The following VWA5A variants were observed in gnomAD, a reference collection of about 807,000 sequenced individuals.
VWA5A encodes the protein von Willebrand factor A domain containing 5A, also known as von Willebrand factor A domain-containing protein 5A.
In VWA5A, 77 loss-of-function variants were observed where a neutral mutation model predicts 84.6. The observed-to-expected ratio is 0.91, with a 90% CI of 0.76 to 1.10. The LOEUF is 1.10. VWA5A is among the 50% of genes least tolerant of loss of function. The pLI, the probability that VWA5A is intolerant of heterozygous loss-of-function variation, is 0.00. For missense variants in VWA5A, 973 were observed against 963.0 expected, an observed-to-expected ratio of 1.01 and a Z score of -0.14; for synonymous variants, 334 against 350.1, an observed-to-expected ratio of 0.95 and a Z score of 0.51.
chr11:124,138,472 A>G (rs1860658669), intron 15 of VWA5A, among the ~76,000 whole-genome samples: 1 of 152,128 alleles, frequency 6.6e-6, no homozygotes. Context: ...CTTTTTGATG[A>G]TAGCCATTCT....
Position 124,124,277 on chromosome 11 carries a change from G to A in VWA5A, c.1205G>A (p.Ser402Asn). Residue 402 changes from serine to asparagine, a missense_variant, in exon 11 of 19, where the codon AGT (serine) becomes AAT (asparagine). Ser to Asn is a conservative substitution (Grantham distance 46, BLOSUM62 1). Coordinates refer to ENST00000456829, the MANE Select transcript of VWA5A (RefSeq NM_001130142.2). ...GATGGAGAAGTTACAGACACGTTTA[G>A]TGTAATTAAAGAAGTTAGGATCAAC... ...FTDGEVTDTF[S>N]VIKEVRINRQ... The A allele has an allele frequency of 3.1e-6, 5 of 1,614,022 alleles. No individual in the cohort carries two copies. Among genetic ancestry groups the A allele is most frequent in the Non-Finnish European group, 4.2e-6 (5 of 1,179,982 alleles).
intron 18 of VWA5A, 112 bp from the exon 19 acceptor site, chr11:124,145,754 C>A: frequency 1.8e-6 from 2 of 1,085,224 alleles, no homozygotes; most frequent in Non-Finnish European, 1.3e-6. Flanking sequence ...AAAGAAAAAG[C>A]AGGGATATTG....
Position 124,123,704 on chromosome 11 carries a change from G to A in VWA5A, c.1064G>A (p.Gly355Glu), listed in dbSNP as rs771900104. 6.2e-7 allele frequency: 1 copy of A among 1,613,840 alleles called. No individual in the cohort carries two copies. Among genetic ancestry groups the A allele is most frequent in the Non-Finnish European group, 8.5e-7 (1 of 1,180,004 alleles). Residue 355 changes from glycine (G) to glutamate (E), a missense_variant, in exon 10 of 19, where the codon GGG becomes GAG. Coordinates refer to ENST00000456829, the MANE Select transcript of VWA5A (RefSeq NM_001130142.2). Reference protein sequence around the residue: ...YTQQTMEEALGRVKLMQADLG... With the variant: ...YTQQTMEEALERVKLMQADLG... ...CAGCAAACAATGGAGGAGGCTCTGG[G>A]GAGAGTGAAGCTTATGCAGGCCGAC...
chr11:124,136,896 C>T, intron 14 of VWA5A, 119 bp from the exon 15 acceptor site: 1 of 1,386,898 alleles, frequency 7.2e-7, no homozygotes, highest in African/African-American at 1.5e-5. Flanking sequence ...CCCAAGTCTT[C>T]TCTCTCCCCT....
Position 124,136,588 on chromosome 11 carries a change from A to G in VWA5A, c.1539A>G (p.Thr513=). ...CTAATTTGCAGGCAGCAGAGACAAC[A>G]GGAGAAGTATGCCTCAAATATACAC... ...LTGRMPAAET[T]GEVCLKYTLQ... is the part of the protein sequence containing the mutation. The change falls in exon 14 of 19, where the codon ACA becomes ACG. Residue 513 remains threonine (T), a synonymous_variant. Transcript: ENST00000456829. 4 of 1,614,144 alleles carry G rather than the reference A, an allele frequency of 2.5e-6. No individual in the cohort carries two copies. Among genetic ancestry groups the G allele is most frequent in the Non-Finnish European group, 3.4e-6 (4 of 1,179,994 alleles).
Position 124,142,671 on chromosome 11 carries a change from G to A in VWA5A, c.2154+99G>A, listed in dbSNP as rs116604889. ...GACCTACCTGAGGAAGGAAAATATA[G>A]GGGGTCATAGACTAAATTAATTTGT... On this transcript the variant is annotated intron_variant, in intron 17 of 18. Transcript: ENST00000456829. The A allele has an allele frequency of 6.5e-4, 959 of 1,474,730 alleles. 3 individuals are homozygous for A. In the African/African-American group the frequency reaches 0.011, roughly 17 times the overall value. The allele number at this position is 1,474,730 out of a possible 1,614,324, so 91.4% of individuals were successfully genotyped here. A position where few individuals can be genotyped will look rare whatever the true frequency, so the allele number is the denominator to read the frequency against.
intron 11 of VWA5A, chr11:124,124,787 A>C: frequency 6.5e-6 from 1 of 153,896 alleles, no homozygotes; most frequent in Non-Finnish European, 1.4e-5. Flanking sequence ...TTACAATACC[A>C]TGGGTTATTT....
intron 11 of VWA5A, among the ~76,000 whole-genome samples, chr11:124,132,072 T>C (rs1162118693): frequency 6.6e-6 from 1 of 152,052 alleles, no homozygotes; most frequent in Non-Finnish European, 1.5e-5. Context: ...TTAAATTTCA[T>C]CAAATGTATT....
chr11:124,141,786 C>T, intron 16 of VWA5A, 45 bp downstream of exon 16: 1 of 1,604,450 alleles, frequency 6.2e-7, no homozygotes, highest in Non-Finnish European at 8.5e-7. Flanking sequence ...GTTTTTCTGT[C>T]ACATATACAG....
At chr11:124,144,817 C>G (rs1334611978) in intron 17 of VWA5A, among the ~76,000 whole-genome samples, 1 of 152,040 alleles carries the variant, frequency 6.6e-6, no homozygotes, top group Admixed American at 6.6e-5. Context: ...GTTAATACTT[C>G]TATATGAAAT....
chr11:124,141,772 C>G (rs1163605538), intron 16 of VWA5A, 31 bp downstream of exon 16: 1 of 1,608,444 alleles, frequency 6.2e-7, no homozygotes, highest in African/African-American at 1.3e-5. Context: ...ATTTTCTCAA[C>G]AATGTTTTTC....
rs1447981186 is a variant in VWA5A at position 124,141,586 on chromosome 11, G to C, written c.1880-12G>C. On this transcript the variant is annotated splice_polypyrimidine_tract_variant and intron_variant, in intron 15 of 18. Coordinates refer to ENST00000456829, the MANE Select transcript of VWA5A (RefSeq NM_001130142.2). The stretch of plus-strand genomic sequence containing the variant: ...AGGGAGTGCCACTGTCTTAATGTTT[G>C]GATTTTTTCAGGTTTTCGAAAGGCC... 1 of 1,613,668 alleles carries C rather than the reference G, an allele frequency of 6.2e-7. No individual in the cohort carries two copies. The highest frequency in any genetic ancestry group is 8.5e-7 in the Non-Finnish European group (1 of 1,179,906).
Position 124,118,571 on chromosome 11 carries a change from A to G in VWA5A, c.508A>G (p.Ile170Val), listed in dbSNP as rs186032413. Residue 170 changes from isoleucine (I) to valine (V), a missense_variant, in exon 6 of 19, where the codon ATA becomes GTA. Transcript: ENST00000456829. ...CAGTTGCCTTAATGTGAAGACTCCTATAGTCCCTGTGGAGGACCTGCCCTA... is the reference window on the plus strand; with the variant it reads ...CAGTTGCCTTAATGTGAAGACTCCTGTAGTCCCTGTGGAGGACCTGCCCTA... ...KDSCLNVKTP[I>V]VPVEDLPYTL... 1.4e-5 allele frequency: 23 copies of G among 1,614,202 alleles called. No homozygotes were observed. The East Asian group carries it at 4.0e-4, about 28-fold the overall frequency.
At position 124,141,837 on chromosome 11, in the gene VWA5A, G is replaced by C. The variant is rs548972345; in HGVS notation, c.2023+96G>C. On this transcript the variant is annotated intron_variant, in intron 16 of 18. Transcript: ENST00000456829. ...AAGCTTGTAGTTACAGCTATGACAA[G>C]AGATGCATGTTTCTCGAAGGGACCC... 2.7e-6 allele frequency: 4 copies of C among 1,476,966 alleles called. No homozygotes were observed. The South Asian group carries it at 5.4e-5, about 20-fold the overall frequency. 91.5% of individuals were successfully genotyped at this position (1,476,966 alleles called of 1,614,324 possible). A position where few individuals can be genotyped will look rare whatever the true frequency, so the allele number is the denominator to read the frequency against.
At chr11:124,133,433 T>C (rs1364642649) in intron 11 of VWA5A, among the ~76,000 whole-genome samples, 1 of 152,254 alleles carries the variant, frequency 6.6e-6, no homozygotes, top group Non-Finnish European at 1.5e-5. Context: ...GATGCTGGGC[T>C]CAATTCTCTT....
At position 124,120,426 on chromosome 11, in the gene VWA5A, G is replaced by A. The variant is rs747292748; in HGVS notation, c.760+1337G>A. On this transcript the variant is annotated intron_variant, in intron 7 of 18. Transcript: ENST00000456829. ...GTGACAATCATATTCAAAGTGGGAC[G>A]GCTTGGCTTAGGCTCTTGTTTTTAC... Among the ~76,000 whole-genome samples the A allele has an allele frequency of 7.2e-5, 11 of 152,132 alleles. No individual in the cohort carries two copies. In the South Asian group the frequency reaches 8.3e-4, roughly 11 times the overall value.
In VWA5A at chr11:124,123,443, G is replaced by A. The variant is rs748626465; in HGVS notation, c.1008G>A (p.Glu336=). Residue 336 remains glutamate, a synonymous_variant, in exon 9 of 19, where the codon GAG becomes GAA. Coordinates refer to ENST00000456829, the MANE Select transcript of VWA5A (RefSeq NM_001130142.2). The part of the protein sequence containing the change: ...FNIYGFGSSY[E]ACFPESVKYT... ...TCTATGGATTTGGCTCTTCCTATGA[G>A]GCATGCTTTCCGTAAGTTTCTGGAA... 3.7e-6 allele frequency: 6 copies of A among 1,613,936 alleles called. No individual in the cohort carries two copies. Among genetic ancestry groups the A allele is most frequent in the Non-Finnish European group, 5.1e-6 (6 of 1,180,002 alleles).
At chr11:124,117,629 A>G (rs755653285) in intron 3 of VWA5A, 44 bp from the exon 4 acceptor site, 17 of 1,614,114 alleles carry the variant, frequency 1.1e-5, no homozygotes, top group Middle Eastern at 1.6e-4. Flanking sequence ...ACAAGGAGGC[A>G]ATCTATTGAA....
rs1860621246 is a variant in VWA5A at position 124,137,083 on chromosome 11, C to T, written c.1694C>T (p.Pro565Leu). 6.2e-7 allele frequency: 1 copy of T among 1,613,500 alleles called. No individual in the cohort carries two copies. Among genetic ancestry groups the T allele is most frequent in the Admixed American group, 1.7e-5 (1 of 59,928 alleles). The change falls in exon 15 of 19, where the codon CCA becomes CTA. Residue 565 changes from proline to leucine, a missense_variant. Physicochemically the swap from Pro to Leu is moderately conservative, Grantham distance 98. Transcript: ENST00000456829. ...AAGGACATGGGCCTCAGGGAGACTC[C>T]AGCAAGTGATAAAAAAGATGCATTG... ...QTKDMGLRETPASDKKDALNL... is the reference protein window; with the variant it reads ...QTKDMGLRETLASDKKDALNL...
Sources: gnomAD v4.1 joint callset for allele counts (sites outside exome capture counted in the v4.1 genomes callset) on GRCh38, gnomAD v4.1.1 for gene constraint, MANE v1.5 for transcripts, NCBI Gene and HGNC (gene_info 2026-07-23, HGNC 2026-07-21) for gene names.